PXN: variants seen among roughly 807,000 people sequenced by gnomAD.
PXN encodes the protein paxillin.
In PXN, 61 loss-of-function variants were observed where a neutral mutation model predicts 103.6. That is an observed-to-expected ratio of 0.59 (90% CI 0.48 to 0.73). PXN has a LOEUF of 0.73. Ranked by LOEUF, PXN falls within the 30% of genes least tolerant of loss-of-function variation. PXN has a pLI of 0.00. For missense variants in PXN, 1,274 were observed against 1,460.3 expected (o/e 0.87, Z 2.08); for synonymous variants, 562 against 607.8 (o/e 0.92, Z 1.11).
chr12:120,217,798 TC>T lies in PXN; in HGVS notation c.1717-683del, dbSNP rs749908731. 1.3e-5 allele frequency among the ~76,000 whole-genome samples: 2 copies of T among 151,404 alleles called. No individual in the cohort carries two copies. Among genetic ancestry groups the T allele is most frequent in the African/African-American group, 2.4e-5 (1 of 41,278 alleles). On this transcript the variant is annotated intron_variant, in intron 7 of 14. Coordinates refer to ENST00000637617, the MANE Select transcript of PXN (RefSeq NM_001385981.1). The surrounding 1 kb of genome is among the most constrained non-coding windows in gnomAD (Gnocchi z 4.1). ...TTTTTTTAGTAGAGATGGGGTTTCATCATGTTGGTTCGGCTGGTCTCAAACT... is the reference window on the plus strand; with the variant it reads ...TTTTTTTAGTAGAGATGGGGTTTCATATGTTGGTTCGGCTGGTCTCAAACT...
intron 1 of PXN, among the ~76,000 whole-genome samples, chr12:120,246,216 G>T (rs1217721921): frequency 6.7e-6 from 1 of 149,802 alleles, no homozygotes; most frequent in Non-Finnish European, 1.5e-5. Flanking sequence ...GTGAGATTCC[G>T]TCTCTACAAA....
chr12:120,249,494 C>T (rs1053172728), intron 1 of PXN, among the ~76,000 whole-genome samples: 2 of 152,180 alleles, frequency 1.3e-5, no homozygotes, highest in African/African-American at 2.4e-5. Flanking sequence ...CCAGCAATGC[C>T]CTCAATTGCC....
In PXN at chr12:120,229,666, G is replaced by A. The variant is rs1012696149; in HGVS notation, c.14-5289C>T. The stretch of plus-strand genomic sequence containing the variant: ...GACTTAGCACAGTGCCTGGAATACA[G>A]CACACAGGAAATGGGAGTTGCTAAA... On this transcript the variant is annotated intron_variant, in intron 1 of 14. Transcript: ENST00000637617. The surrounding 1 kb of genome is among the most constrained non-coding windows in gnomAD (Gnocchi z 4.0). 1.3e-5 allele frequency among the ~76,000 whole-genome samples: 2 copies of A among 152,196 alleles called. No individual in the cohort carries two copies. The highest frequency in any genetic ancestry group is 2.9e-5 in the Non-Finnish European group (2 of 68,028).
Position 120,213,725 on chromosome 12 carries a change from C to T in PXN, c.2979+117G>A. ...GGAAGGAGATCCCCTGCCTGCTCCC[C>T]CAATTAATAACCCCAAATGAGGCCT... On this transcript the variant is annotated intron_variant, in intron 14 of 14. Transcript: ENST00000637617. The surrounding 1 kb of genome is among the most constrained non-coding windows in gnomAD (Gnocchi z 4.2). 1.4e-6 allele frequency: 2 copies of T among 1,385,220 alleles called. No homozygotes were observed. Among genetic ancestry groups the T allele is most frequent in the Non-Finnish European group, 2.0e-6 (2 of 1,023,554 alleles). The allele number at this position is 1,385,220 out of a possible 1,614,324, so 85.8% of individuals were successfully genotyped here.
intron 1 of PXN, among the ~76,000 whole-genome samples, chr12:120,264,037 A>T (rs1381658032): frequency 6.6e-6 from 1 of 152,116 alleles, no homozygotes; most frequent in Non-Finnish European, 1.5e-5. Flanking sequence ...AAAAAAAAAA[A>T]TACCTGCCTG....
intron 1 of PXN, among the ~76,000 whole-genome samples, chr12:120,244,535 C>T (rs1397007256): frequency 6.6e-6 from 1 of 151,724 alleles, no homozygotes. Context: ...GTAGTCCCAG[C>T]TACTCGGGAG....
In PXN at chr12:120,220,270, G is replaced by A. The variant is rs1382518822; in HGVS notation, c.832-179C>T. Reference sequence around the variant, plus strand: ...CCAAAAAAGCTTCCCTGGGCTTTGCGTGCTTAGCCCTCACCAAACCCAAGC... The same window carrying A: ...CCAAAAAAGCTTCCCTGGGCTTTGCATGCTTAGCCCTCACCAAACCCAAGC... On this transcript the variant is annotated intron_variant, in intron 6 of 14. Transcript: ENST00000637617. This position sits in a 1 kb window ranked among gnomAD's most constrained non-coding sequence, Gnocchi z 6.1. 6.6e-6 allele frequency among the ~76,000 whole-genome samples: 1 copy of A among 152,092 alleles called. No homozygotes were observed. The highest frequency in any genetic ancestry group is 2.4e-5 in the African/African-American group (1 of 41,412).
Position 120,223,010 on chromosome 12 carries a change from C to T in PXN, c.357-11G>A, listed in dbSNP as rs1455885389. ...TGCTTGTTGGGGAAGCTTTGAGAGG[C>T]AAAGGAAAGAAGATAGTGAGAGATG... On this transcript the variant is annotated splice_polypyrimidine_tract_variant and intron_variant, in intron 3 of 14. Transcript: ENST00000637617. The T allele has an allele frequency of 1.2e-6, 2 of 1,613,838 alleles. No individual in the cohort carries two copies. The highest frequency in any genetic ancestry group is 1.1e-5 in the South Asian group (1 of 91,080).
intron 1 of PXN, among the ~76,000 whole-genome samples, chr12:120,263,228 C>T (rs1234063885): frequency 2.0e-5 from 3 of 151,882 alleles, no homozygotes; most frequent in Admixed American, 2.0e-4. Context: ...GTGTGCTGAG[C>T]CGCCATCCAG....
chr12:120,265,493 G>T lies in PXN; in HGVS notation c.13+124C>A. 2 of 1,144,790 alleles carry T rather than the reference G, an allele frequency of 1.7e-6. No homozygotes were observed. Among genetic ancestry groups the T allele is most frequent in the Non-Finnish European group, 2.3e-6 (2 of 868,028 alleles). The allele number at this position is 1,144,790 out of a possible 1,614,324, so 70.9% of individuals were successfully genotyped here. A position where few individuals can be genotyped will look rare whatever the true frequency, so the allele number is the denominator to read the frequency against. On this transcript the variant is annotated intron_variant, in intron 1 of 14. Coordinates refer to ENST00000637617, the MANE Select transcript of PXN (RefSeq NM_001385981.1). This position sits in a 1 kb window ranked among gnomAD's most constrained non-coding sequence, Gnocchi z 5.7. ...GCCCCGCGGAGCCCCGGCCGGCAGG[G>T]ACAGGAGCTGAGGCCGGGGCCGCCG... is the stretch of plus-strand genomic sequence containing the variant.
At position 120,224,352 on chromosome 12, in the gene PXN, A is replaced by G. The variant is rs747749857; in HGVS notation, c.39T>C (p.Ser13=). ...GCCGTTTGGAGATGTGGGAGGTGGT[A>G]GACTCCAAGTCCGCCAGCAGGGCGT... ...DLDALLADLE[S]TTSHISKRPV... is the part of the protein sequence containing the mutation. The change falls in exon 2 of 15, where the codon TCT becomes TCC. Residue 13 remains serine (S), a synonymous_variant. Transcript: ENST00000637617. The surrounding 1 kb of genome is among the most constrained non-coding windows in gnomAD (Gnocchi z 5.0). 2 of 1,613,942 alleles carry G rather than the reference A, an allele frequency of 1.2e-6. No individual in the cohort carries two copies. Among genetic ancestry groups the G allele is most frequent in the South Asian group, 2.2e-5 (2 of 91,084 alleles).
At position 120,265,317 on chromosome 12, in the gene PXN, C is replaced by A. The variant is rs984057706; in HGVS notation, c.13+300G>T. On this transcript the variant is annotated intron_variant, in intron 1 of 14. Coordinates refer to ENST00000637617, the MANE Select transcript of PXN (RefSeq NM_001385981.1). The surrounding 1 kb of genome is among the most constrained non-coding windows in gnomAD (Gnocchi z 5.7). ...GCGGACGGGGTGGGTCCCTGAGGGG[C>A]GGGCTGGTCCCTGGGGCCCTTCTGG... Among the ~76,000 whole-genome samples the A allele has an allele frequency of 6.6e-6, 1 of 151,918 alleles. No individual in the cohort carries two copies. The highest frequency in any genetic ancestry group is 1.5e-5 in the Non-Finnish European group (1 of 67,966).
At chr12:120,234,320 A>T (rs1888621304) in intron 1 of PXN, among the ~76,000 whole-genome samples, 1 of 152,092 alleles carries the variant, frequency 6.6e-6, no homozygotes, top group Non-Finnish European at 1.5e-5. Flanking sequence ...GAGGCAGGAG[A>T]ATGGCTTAAA....
At position 120,222,740 on chromosome 12, in the gene PXN, G is replaced by A. The variant is rs1885563388; in HGVS notation, c.504C>T (p.Asn168=). 6.2e-7 allele frequency: 1 copy of A among 1,606,344 alleles called. No homozygotes were observed. The highest frequency in any genetic ancestry group is 8.5e-7 in the Non-Finnish European group (1 of 1,176,542). ...GGGCCCCAGGAAGCGGGGGGCTTGA[G>A]TTGGCCTCATCTTGCAGAGAGGAGA... ...NPPGFPADEA[N]SSPPLPGALS... Residue 168 remains asparagine (N), a synonymous_variant, in exon 5 of 15, where the codon AAC becomes AAT. Transcript: ENST00000637617. This position sits in a 1 kb window ranked among gnomAD's most constrained non-coding sequence, Gnocchi z 4.7.
intron 7 of PXN, among the ~76,000 whole-genome samples, chr12:120,218,867 G>A (rs1260796518): frequency 6.6e-6 from 1 of 152,226 alleles, no homozygotes. Flanking sequence ...GGTTGCCCAA[G>A]GTCACAGAGG....
Position 120,215,419 on chromosome 12 carries a change from T to C in PXN, c.2403+141A>G. 6.9e-7 allele frequency: 1 copy of C among 1,450,618 alleles called. No individual in the cohort carries two copies. Among genetic ancestry groups the C allele is most frequent in the Non-Finnish European group, 9.1e-7 (1 of 1,102,844 alleles). The allele number at this position is 1,450,618 out of a possible 1,614,324, so 89.9% of individuals were successfully genotyped here. A position where few individuals can be genotyped will look rare whatever the true frequency, so the allele number is the denominator to read the frequency against. ...AACCTCCTCCAGGGGCCAGGAGCCC[T>C]AAAGTGGGAGTGACGTCAGCAGGAC... On this transcript the variant is annotated intron_variant, in intron 10 of 14. Coordinates refer to ENST00000637617, the MANE Select transcript of PXN (RefSeq NM_001385981.1). The surrounding 1 kb of genome is among the most constrained non-coding windows in gnomAD (Gnocchi z 4.9).
At position 120,212,513 on chromosome 12, in the gene PXN, T is replaced by C; in HGVS notation, c.3047A>G (p.His1016Arg). ...CAGCGAGCCGCGCCGCTCGTGGTAG[T>C]GCACCTCACAGTAGGGCTGCCCGTC... ...EHDGQPYCEVHYHERRGSLCS... is the reference protein window; with the variant it reads ...EHDGQPYCEVRYHERRGSLCS... The change falls in exon 15 of 15, where the codon CAC (histidine) becomes CGC (arginine). Residue 1016 changes from histidine to arginine, a missense_variant. By Grantham distance (29) the His-to-Arg change is conservative. Coordinates refer to ENST00000637617, the MANE Select transcript of PXN (RefSeq NM_001385981.1). The surrounding 1 kb of genome is among the most constrained non-coding windows in gnomAD (Gnocchi z 7.2). The C allele has an allele frequency of 6.2e-7, 1 of 1,613,890 alleles. No individual in the cohort carries two copies. The highest frequency in any genetic ancestry group is 1.3e-5 in the African/African-American group (1 of 75,052).
intron 1 of PXN, among the ~76,000 whole-genome samples, chr12:120,250,928 GT>G (rs1892054225): frequency 6.6e-6 from 1 of 152,230 alleles, no homozygotes; most frequent in Non-Finnish European, 1.5e-5. Context: ...AGTGGGCCAG[GT>G]GCAATGGCTC....
rs1889109661 is a variant in PXN at position 120,236,611 on chromosome 12, G to A, written c.14-12234C>T. Among the ~76,000 whole-genome samples the A allele has an allele frequency of 2.0e-5, 3 of 151,466 alleles. No individual in the cohort carries two copies. In the South Asian group the frequency reaches 6.3e-4, roughly 32 times the overall value. On this transcript the variant is annotated intron_variant, in intron 1 of 14. Transcript: ENST00000637617. ...CCTGCCTCAGCCTCCCGAGTAGCTA[G>A]GATTACAGGTGCCTGCCACCACACC... is the stretch of plus-strand genomic sequence containing the variant.
Sources: allele counts gnomAD v4.1 joint callset (sites outside exome capture counted in the v4.1 genomes callset), GRCh38; gene constraint gnomAD v4.1.1; non-coding constraint Gnocchi (gnomAD v3.1); transcripts MANE v1.5; gene names NCBI Gene and HGNC (gene_info 2026-07-23, HGNC 2026-07-21).